WWOX: variants seen among roughly 807,000 people sequenced by gnomAD.
WWOX encodes the protein WW domain containing oxidoreductase, also known as WW domain-containing oxidoreductase.
In WWOX, 69 loss-of-function variants were observed where a neutral mutation model predicts 46.2. The observed-to-expected ratio is 1.49, with a 90% CI of 1.23 to 1.82. The LOEUF (loss-of-function observed/expected upper bound fraction) is 1.82, where lower values mean the gene tolerates loss of function less well. WWOX is among the 40% of genes most tolerant of loss of function. The pLI, the probability that WWOX is intolerant of heterozygous loss-of-function variation, is 0.00. For missense variants in WWOX, 919 were observed against 542.6 expected (o/e 1.69, Z -6.89); for synonymous variants, 359 against 202.6 (o/e 1.77, Z -6.56).
intron 6 of WWOX, among the ~76,000 whole-genome samples, chr16:78,410,962 AC>A (rs2082667192): frequency 2.0e-5 from 3 of 152,274 alleles, no homozygotes; most frequent in Middle Eastern, 6.8e-3. Flanking sequence ...CCAGAGGCGA[AC>A]CTCAGTTCCC....
At chr16:78,770,687 C>T (rs2050043184) in intron 8 of WWOX, among the ~76,000 whole-genome samples, 1 of 151,512 alleles carries the variant, frequency 6.6e-6, no homozygotes, top group Non-Finnish European at 1.5e-5. Flanking sequence ...GTGAACCGCC[C>T]ACAGGGAGAT....
intron 4 of WWOX, among the ~76,000 whole-genome samples, chr16:78,131,400 A>C (rs2033587547): frequency 1.3e-5 from 2 of 151,922 alleles, no homozygotes; most frequent in Non-Finnish European, 1.5e-5. Flanking sequence ...TTTTTAATAG[A>C]GATGAGGTCT....
chr16:78,432,367 A>G (rs1260016708), intron 7 of WWOX, 121 bp from the exon 8 acceptor site: 3 of 1,366,166 alleles, frequency 2.2e-6, no homozygotes, highest in Non-Finnish European at 3.1e-6. Context: ...AAGACTCCCA[A>G]AGTGCTCGGA....
At chr16:78,797,266 C>A (rs1266630735) in intron 8 of WWOX, among the ~76,000 whole-genome samples, 2 of 149,726 alleles carry the variant, frequency 1.3e-5, no homozygotes, top group African/African-American at 5.0e-5. Flanking sequence ...CTCAAGTCAG[C>A]CACCTCTGAC....
At chr16:78,305,085 T>G (rs760583542) in intron 5 of WWOX, among the ~76,000 whole-genome samples, 3 of 152,156 alleles carry the variant, frequency 2.0e-5, no homozygotes, top group Non-Finnish European at 4.4e-5. Context: ...GGAATCTGAA[T>G]TCTGTCTTTT....
At chr16:78,771,947 C>T (rs1039133436) in intron 8 of WWOX, among the ~76,000 whole-genome samples, 27 of 152,046 alleles carry the variant, frequency 1.8e-4, no homozygotes, top group Non-Finnish European at 8.8e-5. Flanking sequence ...AAGAATAGTA[C>T]AAAAATGATA....
intron 8 of WWOX, among the ~76,000 whole-genome samples, chr16:78,830,390 G>A (rs113008108): frequency 2.0e-5 from 3 of 152,016 alleles, no homozygotes; most frequent in African/African-American, 7.2e-5. Flanking sequence ...CCGTATGGCT[G>A]GGGGTTTTTC....
intron 8 of WWOX, among the ~76,000 whole-genome samples, chr16:78,612,745 G>A (rs1159712187): frequency 5.3e-5 from 8 of 152,132 alleles, no homozygotes; most frequent in African/African-American, 1.2e-4. Flanking sequence ...CCAAAGTGCT[G>A]GGATTACAGG....
chr16:78,862,464 C>T (rs979648467), intron 8 of WWOX, among the ~76,000 whole-genome samples: 1 of 151,608 alleles, frequency 6.6e-6, no homozygotes, highest in Non-Finnish European at 1.5e-5. Context: ...CAATATAGAT[C>T]TATAAACACA....
chr16:78,908,608 C>T (rs1405891320), intron 8 of WWOX, among the ~76,000 whole-genome samples: 1 of 151,582 alleles, frequency 6.6e-6, no homozygotes, highest in African/African-American at 2.4e-5. Flanking sequence ...TATTATTACT[C>T]AAATAAGTCT....
At chr16:79,066,536 G>A (rs773555867) in intron 8 of WWOX, among the ~76,000 whole-genome samples, 10 of 152,110 alleles carry the variant, frequency 6.6e-5, no homozygotes, top group Non-Finnish European at 1.2e-4. Context: ...AAGGAAGGAG[G>A]GAATAATTTC....
At chr16:78,376,502 C>G (rs72796051) in intron 5 of WWOX, among the ~76,000 whole-genome samples, 1 of 152,026 alleles carries the variant, frequency 6.6e-6, no homozygotes, top group Non-Finnish European at 1.5e-5. Context: ...ATACAATGAA[C>G]CAGTTTTATT....
chr16:79,056,853 A>G (rs2048272158), intron 8 of WWOX, among the ~76,000 whole-genome samples: 1 of 152,242 alleles, frequency 6.6e-6, no homozygotes. Context: ...TCATAGGAAT[A>G]GTTCAAAGCT....
intron 8 of WWOX, among the ~76,000 whole-genome samples, chr16:78,624,690 C>T (rs1337038281): frequency 1.3e-5 from 2 of 152,290 alleles, no homozygotes; most frequent in East Asian, 1.9e-4. Context: ...CAAGATTTTT[C>T]TCAAAGTTGC....
chr16:78,580,217 G>A lies in WWOX; in HGVS notation c.1056+147465G>A, dbSNP rs1482752523. Among the ~76,000 whole-genome samples, 5 of 152,034 alleles carry A rather than the reference G, an allele frequency of 3.3e-5. 1 individual carries two copies. Among genetic ancestry groups the A allele is most frequent in the Admixed American group, 3.3e-4 (5 of 15,262 alleles). On this transcript the variant is annotated intron_variant, in intron 8 of 8. Transcript: ENST00000566780. ...GCCTCTTGAGTAGGTGGGACTATAG[G>A]TGTGTGCCAGCATGCCCGGCTAGCT...
At chr16:78,398,862 A>C (rs1754259049) in intron 6 of WWOX, among the ~76,000 whole-genome samples, 1 of 152,376 alleles carries the variant, frequency 6.6e-6, no homozygotes, top group Non-Finnish European at 1.5e-5. Flanking sequence ...AAAAAAGTGA[A>C]TTTTAACCTG....
intron 8 of WWOX, among the ~76,000 whole-genome samples, chr16:78,542,239 C>A (rs182730598): frequency 6.6e-6 from 1 of 151,964 alleles, no homozygotes; most frequent in African/African-American, 2.4e-5. Flanking sequence ...GATGAACCTA[C>A]GTAATGATCT....
intron 8 of WWOX, among the ~76,000 whole-genome samples, chr16:79,124,144 G>C (rs1412161780): frequency 2.0e-5 from 3 of 152,114 alleles, no homozygotes. Flanking sequence ...ACTTCGGATG[G>C]TGCCCCAGAG....
intron 8 of WWOX, among the ~76,000 whole-genome samples, chr16:78,511,852 G>A (rs1404177727): frequency 6.6e-6 from 1 of 152,148 alleles, no homozygotes; most frequent in Non-Finnish European, 1.5e-5. Context: ...AGACAGAGAT[G>A]TCTTGATCTG....
Sources: gnomAD v4.1 joint callset for allele counts (sites outside exome capture counted in the v4.1 genomes callset) on GRCh38, gnomAD v4.1.1 for gene constraint, MANE v1.5 for transcripts, NCBI Gene and HGNC (gene_info 2026-07-23, HGNC 2026-07-21) for gene names.